The following LRRFIP1 variants were observed in gnomAD, a reference collection of about 807,000 sequenced individuals.
LRRFIP1 encodes the protein LRR binding FLII interacting protein 1, also known as leucine-rich repeat flightless-interacting protein 1.
A neutral mutation model predicts 104.4 loss-of-function variants in LRRFIP1; 62 were observed. The observed-to-expected ratio is 0.59, with a 90% CI of 0.48 to 0.73. LRRFIP1 has a LOEUF of 0.73. Among genes scored for constraint, LRRFIP1 ranks in the 30% least tolerant of loss-of-function variants. The pLI, the probability that LRRFIP1 is intolerant of heterozygous loss-of-function variation, is 0.00. For synonymous variants in LRRFIP1, 300 were observed against 299.0 expected (o/e 1.00, Z -0.03); for missense variants, 796 against 824.5 (o/e 0.97, Z 0.42).
In LRRFIP1 at chr2:237,766,432, T is replaced by G. The variant is rs1462998814; in HGVS notation, c.1460-3511T>G. On this transcript the variant is annotated intron_variant, in intron 19 of 23. Coordinates refer to ENST00000308482, the MANE Select transcript of LRRFIP1 (RefSeq NM_001137550.2). This position sits in a 1 kb window ranked among gnomAD's most constrained non-coding sequence, Gnocchi z 4.8. ...AATGCATACTGGAAACAGCTCTCATTCCTACCTTTAAAGGGCTCTTGGAAA... is the reference window on the plus strand; with the variant it reads ...AATGCATACTGGAAACAGCTCTCATGCCTACCTTTAAAGGGCTCTTGGAAA... Among the ~76,000 whole-genome samples the G allele has an allele frequency of 6.6e-6, 1 of 152,130 alleles. No homozygotes were observed. Among genetic ancestry groups the G allele is most frequent in the East Asian group, 1.9e-4 (1 of 5,194 alleles).
chr2:237,693,193 A>G (rs533239387), intron 1 of LRRFIP1, among the ~76,000 whole-genome samples: 1 of 152,256 alleles, frequency 6.6e-6, no homozygotes, highest in African/African-American at 2.4e-5. Context: ...GTGGTTGAAC[A>G]TGAATGGGAA....
chr2:237,641,337 C>A (rs903795424), intron 1 of LRRFIP1, among the ~76,000 whole-genome samples: 2 of 151,686 alleles, frequency 1.3e-5, no homozygotes, highest in African/African-American at 4.8e-5. Context: ...CATGGTGAAA[C>A]CCCATCTCTA....
At chr2:237,638,158 A>G (rs62183611) in intron 1 of LRRFIP1, among the ~76,000 whole-genome samples, 139 of 152,318 alleles carry the variant, frequency 9.1e-4, no homozygotes, top group Non-Finnish European at 1.2e-3. Flanking sequence ...ACAATTCACC[A>G]TAATGTAGAA....
intron 1 of LRRFIP1, among the ~76,000 whole-genome samples, chr2:237,670,758 G>A (rs1045424016): frequency 3.3e-5 from 5 of 152,192 alleles, no homozygotes; most frequent in African/African-American, 4.8e-5. Context: ...TGCAGGCTGC[G>A]TCCCCTGCCT....
chr2:237,650,099 G>T (rs2085674242), intron 1 of LRRFIP1, among the ~76,000 whole-genome samples: 1 of 151,934 alleles, frequency 6.6e-6, no homozygotes, highest in South Asian at 2.1e-4. Context: ...GCCAAGTGTT[G>T]GAAAGGGCTC....
chr2:237,681,664 GC>G (rs2091834028), intron 1 of LRRFIP1, among the ~76,000 whole-genome samples: 1 of 137,626 alleles, frequency 7.3e-6, no homozygotes, highest in Admixed American at 7.6e-5. Flanking sequence ...ACCGTGCCCG[GC>G]CGCAGTCCTA....
At chr2:237,754,081 G>GA (rs963212439) in intron 15 of LRRFIP1, among the ~76,000 whole-genome samples, 2 of 152,058 alleles carry the variant, frequency 1.3e-5, no homozygotes, top group African/African-American at 2.4e-5. Context: ...GCAAAACCAT[G>GA]AAAAAACATA....
rs1397550957 is a variant in LRRFIP1 at position 237,739,298 on chromosome 2, G to A, written c.622G>A (p.Ala208Thr). The A allele has an allele frequency of 2.6e-6, 4 of 1,559,758 alleles. No homozygotes were observed. In the African/African-American group the frequency reaches 5.4e-5, roughly 21 times the overall value. ...CTCCTCCAGGGCCAGCTCGGCCCGG[G>A]CCAGCCCTGTGGTAAGTCGGCCTCC... ...RASSRASSAR[A>T]SPVVEERPEK... Residue 208 changes from alanine to threonine, a missense_variant, in exon 11 of 24, where the codon GCC becomes ACC. Physicochemically the swap from Ala to Thr is moderately conservative, Grantham distance 58 (BLOSUM62 0). Coordinates refer to ENST00000308482, the MANE Select transcript of LRRFIP1 (RefSeq NM_001137550.2).
rs181380385 is a variant in LRRFIP1 at position 237,711,620 on chromosome 2, G to C, written c.184-2639G>C. ...GTGACACAGGGCGGGCGTCGTGGGC[G>C]CGGCTGTGGACTCCTGCCTGGGGTT... On this transcript the variant is annotated intron_variant, in intron 2 of 23. Coordinates refer to ENST00000308482, the MANE Select transcript of LRRFIP1 (RefSeq NM_001137550.2). This position sits in a 1 kb window ranked among gnomAD's most constrained non-coding sequence, Gnocchi z 4.4. 6.6e-6 allele frequency among the ~76,000 whole-genome samples: 1 copy of C among 152,354 alleles called. No individual in the cohort carries two copies. Among genetic ancestry groups the C allele is most frequent in the East Asian group, 1.9e-4 (1 of 5,186 alleles).
chr2:237,666,475 A>G (rs566901313), intron 1 of LRRFIP1, among the ~76,000 whole-genome samples: 61 of 152,300 alleles, frequency 4.0e-4, no homozygotes, highest in African/African-American at 1.1e-3. Context: ...GTTGGAATCC[A>G]CTCTTCACCT....
intron 11 of LRRFIP1, among the ~76,000 whole-genome samples, chr2:237,744,271 T>C (rs1369999885): frequency 6.6e-6 from 1 of 152,202 alleles, no homozygotes; most frequent in Non-Finnish European, 1.5e-5. Flanking sequence ...GTTTGCTGTT[T>C]GTTTGTGTCT....
rs976546974 is a variant in LRRFIP1 at position 237,711,038 on chromosome 2, A to G, written c.183+2408A>G. Reference sequence around the variant, plus strand: ...GATTGTCCCTGTGTGTAGCCACTGCACTCCAGCTGGGGCAACATAATGAGA... The same window carrying G: ...GATTGTCCCTGTGTGTAGCCACTGCGCTCCAGCTGGGGCAACATAATGAGA... On this transcript the variant is annotated intron_variant, in intron 2 of 23. Transcript: ENST00000308482. This position sits in a 1 kb window ranked among gnomAD's most constrained non-coding sequence, Gnocchi z 4.4. 6.6e-6 allele frequency among the ~76,000 whole-genome samples: 1 copy of G among 152,170 alleles called. No individual in the cohort carries two copies. Among genetic ancestry groups the G allele is most frequent in the African/African-American group, 2.4e-5 (1 of 41,432 alleles).
intron 19 of LRRFIP1, 105 bp from the exon 20 acceptor site, chr2:237,769,838 C>T: frequency 1.2e-6 from 1 of 842,926 alleles, no homozygotes; most frequent in Non-Finnish European, 2.0e-6. Context: ...TAACTACTTC[C>T]ATCATTCATT....
chr2:237,660,085 CA>C (rs2087590732), intron 1 of LRRFIP1, among the ~76,000 whole-genome samples: 1 of 151,996 alleles, frequency 6.6e-6, no homozygotes, highest in African/African-American at 2.4e-5. Context: ...AGGCAGCAAA[CA>C]GGGAAAAAAT....
intron 22 of LRRFIP1, chr2:237,774,108 C>T (rs569396334): frequency 5.4e-5 from 25 of 461,794 alleles, no homozygotes; most frequent in East Asian, 3.5e-4. Flanking sequence ...GCCAGCACTG[C>T]AGAAACCACC....
intron 1 of LRRFIP1, among the ~76,000 whole-genome samples, chr2:237,707,112 C>G (rs943079984): frequency 5.3e-5 from 8 of 152,114 alleles, no homozygotes; most frequent in African/African-American, 1.9e-4. Flanking sequence ...CAGGCAACCT[C>G]AAGACGACAG....
chr2:237,659,646 A>AAT (rs2087484701), intron 1 of LRRFIP1, among the ~76,000 whole-genome samples: 1 of 148,296 alleles, frequency 6.7e-6, no homozygotes, highest in Admixed American at 6.8e-5. Context: ...TATACATATA[A>AAT]ATATATATAT....
chr2:237,715,653 A>G (rs890844568), intron 3 of LRRFIP1, among the ~76,000 whole-genome samples: 1 of 152,232 alleles, frequency 6.6e-6, no homozygotes, highest in Non-Finnish European at 1.5e-5. Context: ...CATTGCTGAG[A>G]TGTCTGGGGA....
Position 237,692,362 on chromosome 2 carries a change from G to C in LRRFIP1, c.97-16182G>C, listed in dbSNP as rs113776146. ...AGCGGCGAGTGGCTCCGTCTCCGCG[G>C]ACAGAGCGCGCGCCCCCTGGCCCGG... On this transcript the variant is annotated intron_variant, in intron 1 of 23. Transcript: ENST00000308482. 11,445 of 1,298,022 alleles carry C rather than the reference G, an allele frequency of 8.8e-3. 616 individuals carry two copies. In the African/African-American group the frequency reaches 0.14, roughly 15 times the overall value. The allele number at this position is 1,298,022 out of a possible 1,614,324, so 80.4% of individuals were successfully genotyped here.
Sources: allele counts gnomAD v4.1 joint callset (sites outside exome capture counted in the v4.1 genomes callset), GRCh38; gene constraint gnomAD v4.1.1; non-coding constraint Gnocchi (gnomAD v3.1); transcripts MANE v1.5; gene names NCBI Gene and HGNC (gene_info 2026-07-23, HGNC 2026-07-21).